The following QTMAN variants were observed in gnomAD, a reference collection of about 807,000 sequenced individuals.
QTMAN encodes the protein tRNA-queuosine alpha-mannosyltransferase.
At chr2:143,985,903 T>A in the QTMAN span, among the ~76,000 whole-genome samples, 2 of 152,192 alleles carry the variant, frequency 1.3e-5, no homozygotes, top group African/African-American at 2.4e-5. Context: ...GGTTAGTACA[T>A]TTTAGATTTG....
the QTMAN span, among the ~76,000 whole-genome samples, chr2:144,273,400 G>A: frequency 6.6e-6 from 1 of 152,126 alleles, no homozygotes; most frequent in Non-Finnish European, 1.5e-5. Context: ...AAAGGGGTAT[G>A]ACAATTCCTA....
chr2:143,967,475 C>T, the QTMAN span, among the ~76,000 whole-genome samples: 8 of 152,044 alleles, frequency 5.3e-5, no homozygotes, highest in African/African-American at 7.2e-5. Context: ...GGATTACCCG[C>T]GTGCACTACC....
At chr2:144,229,674 T>C in the QTMAN span, among the ~76,000 whole-genome samples, 1 of 152,142 alleles carries the variant, frequency 6.6e-6, no homozygotes, top group African/African-American at 2.4e-5. Context: ...TAGAAACATA[T>C]TAAGTTAGGC....
chr2:144,142,237 T>C, the QTMAN span, among the ~76,000 whole-genome samples: 3 of 151,952 alleles, frequency 2.0e-5, no homozygotes, highest in African/African-American at 7.2e-5. Flanking sequence ...TTCATTAGTG[T>C]TATATCACAG....
the QTMAN span, among the ~76,000 whole-genome samples, chr2:144,244,681 A>C: frequency 6.6e-6 from 1 of 152,206 alleles, no homozygotes; most frequent in East Asian, 1.9e-4. Context: ...AAACGCAAAT[A>C]ATAATCTTAT....
chr2:143,962,297 G>C, the QTMAN span, among the ~76,000 whole-genome samples: 2 of 152,248 alleles, frequency 1.3e-5, no homozygotes, highest in Admixed American at 6.5e-5. Flanking sequence ...GGGTTTGACT[G>C]TGTCTACATG....
chr2:144,091,887 G>A, the QTMAN span, among the ~76,000 whole-genome samples: 1 of 152,068 alleles, frequency 6.6e-6, no homozygotes, highest in African/African-American at 2.4e-5. Flanking sequence ...AAACAAAACT[G>A]GATCTAAAAT....
At chr2:144,296,515 T>C in the QTMAN span, among the ~76,000 whole-genome samples, 15 of 152,126 alleles carry the variant, frequency 9.9e-5, no homozygotes, top group Admixed American at 5.9e-4. Flanking sequence ...AATATTAAAG[T>C]ACAAAAAATA....
At chr2:144,129,971 C>A in the QTMAN span, among the ~76,000 whole-genome samples, 1 of 151,012 alleles carries the variant, frequency 6.6e-6, no homozygotes, top group Non-Finnish European at 1.5e-5. Flanking sequence ...CATATCATTT[C>A]TTTTTGTAAA....
the QTMAN span, among the ~76,000 whole-genome samples, chr2:144,232,377 T>G: frequency 6.6e-6 from 1 of 152,202 alleles, no homozygotes; most frequent in Non-Finnish European, 1.5e-5. Flanking sequence ...AAGAAACAAC[T>G]GTTAGATTGC....
chr2:144,178,285 T>C, the QTMAN span: 1 of 152,142 alleles, frequency 6.6e-6, no homozygotes, highest in Non-Finnish European at 1.5e-5. Flanking sequence ...TTATCCACCA[T>C]TTTGGGTTGC....
At chr2:144,091,380 A>G in the QTMAN span, among the ~76,000 whole-genome samples, 1 of 152,176 alleles carries the variant, frequency 6.6e-6, no homozygotes, top group Non-Finnish European at 1.5e-5. Context: ...CTCAGATACA[A>G]TAATGTGATG....
At chr2:144,078,633 G>A in the QTMAN span, among the ~76,000 whole-genome samples, 1 of 152,106 alleles carries the variant, frequency 6.6e-6, no homozygotes, top group African/African-American at 2.4e-5. Context: ...AATAGCCAAT[G>A]AGTCCACACA....
At chr2:144,162,103 G>A in the QTMAN span, among the ~76,000 whole-genome samples, 1 of 152,144 alleles carries the variant, frequency 6.6e-6, no homozygotes, top group Non-Finnish European at 1.5e-5. Context: ...AAATCAGTGA[G>A]TGAATTTAGA....
chr2:143,958,692 C>G, the QTMAN span, among the ~76,000 whole-genome samples: 3 of 151,540 alleles, frequency 2.0e-5, no homozygotes, highest in Non-Finnish European at 4.4e-5. Context: ...TCTCATCCTA[C>G]AGGAGTGTGG....
the QTMAN span, among the ~76,000 whole-genome samples, chr2:144,105,930 A>T: frequency 6.6e-6 from 1 of 152,230 alleles, no homozygotes; most frequent in Non-Finnish European, 1.5e-5. Flanking sequence ...ACAATCCAGA[A>T]GAGAGTGGGG....
At chr2:144,265,902 G>A in the QTMAN span, among the ~76,000 whole-genome samples, 1 of 152,138 alleles carries the variant, frequency 6.6e-6, no homozygotes, top group Non-Finnish European at 1.5e-5. Flanking sequence ...GGAGAATCCA[G>A]TTTGACTCCT....
chr2:144,282,680 T>C, the QTMAN span, among the ~76,000 whole-genome samples: 3 of 152,118 alleles, frequency 2.0e-5, no homozygotes, highest in Non-Finnish European at 2.9e-5. Context: ...CTGTCCCTGG[T>C]TCCTCACACA....
the QTMAN span, among the ~76,000 whole-genome samples, chr2:144,287,063 G>C: frequency 6.6e-6 from 1 of 152,196 alleles, no homozygotes; most frequent in Non-Finnish European, 1.5e-5. Flanking sequence ...TCACTTTATA[G>C]CTTTCAGGAA....
Sources: allele counts gnomAD v4.1 joint callset (sites outside exome capture counted in the v4.1 genomes callset), GRCh38; gene constraint gnomAD v4.1.1; transcripts MANE v1.5; gene names NCBI Gene and HGNC (gene_info 2026-07-23, HGNC 2026-07-21).